NAALADL2: variants seen among roughly 807,000 people sequenced by gnomAD.
The protein encoded by NAALADL2 is inactive N-acetylated-alpha-linked acidic dipeptidase-like protein 2.
NAALADL2 carries 76 observed loss-of-function variants against 87.2 expected under a neutral mutation model. That is an observed-to-expected ratio of 0.87 (90% CI 0.72 to 1.05). NAALADL2 has a LOEUF of 1.05. Ranked by LOEUF, NAALADL2 falls within the 50% of genes least tolerant of loss-of-function variation. The probability of loss-of-function intolerance (pLI) is 0.00; values close to 1 mark genes in which losing one functional copy is unlikely to be tolerated. For missense variants in NAALADL2, 1,089 were observed against 945.8 expected (o/e 1.15, Z -1.99); for synonymous variants, 354 against 331.0 (o/e 1.07, Z -0.75).
At chr3:174,979,725 G>T (rs1744872494) in intron 1 of NAALADL2, among the ~76,000 whole-genome samples, 1 of 151,846 alleles carries the variant, frequency 6.6e-6, no homozygotes, top group Non-Finnish European at 1.5e-5. Context: ...GAAAAATATT[G>T]CAAATTAACT....
At chr3:175,692,330 T>C (rs1038027006) in intron 11 of NAALADL2, among the ~76,000 whole-genome samples, 2 of 152,176 alleles carry the variant, frequency 1.3e-5, no homozygotes, top group Non-Finnish European at 2.9e-5. Context: ...GGTAATTTAC[T>C]AGAATAAATA....
chr3:175,096,851 C>G lies in NAALADL2; in HGVS notation c.105C>G (p.Tyr35Ter), dbSNP rs762334415. The stretch of plus-strand genomic sequence containing the variant: ...AAAGAGCTCCAGGACACTCACAGTA[C>G]TTAGACAATGATGACCTTCAAGCCA... Reference protein sequence around the residue: ...ADQRAPGHSQYLDNDDLQATA... With the variant: ...ADQRAPGHSQ Residue 35 changes from tyrosine (Y) to a stop codon, truncating the protein, a stop_gained, in exon 2 of 14, where the codon TAC becomes TAG. Transcript: ENST00000454872. LOFTEE classifies it high-confidence loss of function. The G allele has an allele frequency of 1.9e-6, 3 of 1,611,328 alleles. No individual in the cohort carries two copies. The highest frequency in any genetic ancestry group is 2.2e-5 in the East Asian group (1 of 44,834).
At position 175,804,474 on chromosome 3, in the gene NAALADL2, T is replaced by G. The variant is rs1293393787; in HGVS notation, c.*1271T>G. The G allele has an allele frequency of 6.6e-6, 1 of 151,822 alleles. No homozygotes were observed. The highest frequency in any genetic ancestry group is 6.6e-5 in the Admixed American group (1 of 15,198). The allele number at this position is 151,822 out of a possible 1,614,324, so 9.4% of individuals were successfully genotyped here. A position where few individuals can be genotyped will look rare whatever the true frequency, so the allele number is the denominator to read the frequency against. Reference sequence around the variant, plus strand: ...ATTATTCCCCCAAACCCTAAAATTCTACCTATTAGGTGTCAGGTTAAAGTT... The same window carrying G: ...ATTATTCCCCCAAACCCTAAAATTCGACCTATTAGGTGTCAGGTTAAAGTT... On this transcript the variant is annotated 3_prime_UTR_variant, in exon 14 of 14. Coordinates refer to ENST00000454872, the MANE Select transcript of NAALADL2 (RefSeq NM_207015.3).
intron 13 of NAALADL2, among the ~76,000 whole-genome samples, chr3:175,768,340 G>A (rs1476586904): frequency 4.6e-5 from 7 of 152,028 alleles, no homozygotes; most frequent in Non-Finnish European, 1.0e-4. Flanking sequence ...CTCTCTCCGT[G>A]TACTCCCAGG....
chr3:174,443,147 A>G (rs777042393), intron 1 of NAALADL2, among the ~76,000 whole-genome samples: 5 of 152,216 alleles, frequency 3.3e-5, no homozygotes, highest in African/African-American at 4.8e-5. Context: ...GAGGAATGAC[A>G]TGATCTAACA....
At chr3:174,503,188 A>G (rs1719004647) in intron 1 of NAALADL2, among the ~76,000 whole-genome samples, 1 of 152,168 alleles carries the variant, frequency 6.6e-6, no homozygotes, top group South Asian at 2.1e-4. Context: ...TAAGGCATCA[A>G]GGGACATATA....
intron 5 of NAALADL2, among the ~76,000 whole-genome samples, chr3:175,378,229 G>A (rs1053790000): frequency 6.6e-6 from 1 of 152,000 alleles, no homozygotes; most frequent in Admixed American, 6.6e-5. Flanking sequence ...TTACCTGTGC[G>A]CTCACTCCCA....
chr3:175,342,097 T>G (rs1472910401), intron 5 of NAALADL2, among the ~76,000 whole-genome samples: 1 of 152,186 alleles, frequency 6.6e-6, no homozygotes, highest in Non-Finnish European at 1.5e-5. Context: ...TTAAAATTGC[T>G]AAGAATGAGT....
intron 2 of NAALADL2, among the ~76,000 whole-genome samples, chr3:175,129,405 A>G (rs889254639): frequency 6.6e-6 from 1 of 152,176 alleles, no homozygotes; most frequent in Non-Finnish European, 1.5e-5. Context: ...ATGGTGTACA[A>G]TAGATCCCTG....
At chr3:175,626,899 C>A (rs1727063597) in intron 10 of NAALADL2, among the ~76,000 whole-genome samples, 1 of 151,798 alleles carries the variant, frequency 6.6e-6, no homozygotes, top group Non-Finnish European at 1.5e-5. Context: ...TGTTATATCT[C>A]CAGTTCAGAA....
At chr3:175,435,959 C>G (rs1389764345) in intron 5 of NAALADL2, among the ~76,000 whole-genome samples, 1 of 147,204 alleles carries the variant, frequency 6.8e-6, no homozygotes, top group Non-Finnish European at 1.5e-5. Context: ...ACTAACTCGT[C>G]ATCTAGCATT....
rs557165792 is a variant in NAALADL2, at chr3:174,508,087, T to A, written c.-183-42482T>A. Reference sequence around the variant, plus strand: ...CCAACACTTAGTATGGCCAGTTTTTTAAATTTTAGCTATTGGATATCTAGT... The same window carrying A: ...CCAACACTTAGTATGGCCAGTTTTTAAAATTTTAGCTATTGGATATCTAGT... On this transcript the variant is annotated intron_variant, in intron 1 of 3. Transcript: ENST00000434257. 1.3e-4 allele frequency among the ~76,000 whole-genome samples: 19 copies of A among 150,584 alleles called. No individual in the cohort carries two copies. In the South Asian group the frequency reaches 2.3e-3, roughly 18 times the overall value.
At chr3:175,256,293 A>C in intron 3 of NAALADL2, 118 bp from the exon 4 acceptor site, 3 of 957,916 alleles carry the variant, frequency 3.1e-6, no homozygotes, top group Non-Finnish European at 4.5e-6. Flanking sequence ...AAGAGATAGA[A>C]TTAATTCTAT....
chr3:175,078,348 C>T (rs984127372), intron 1 of NAALADL2, among the ~76,000 whole-genome samples: 4 of 151,838 alleles, frequency 2.6e-5, no homozygotes, highest in African/African-American at 7.3e-5. Flanking sequence ...CTTTATCTTA[C>T]GTTTAGGAAA....
At chr3:174,445,877 A>C (rs1197778855) in intron 1 of NAALADL2, among the ~76,000 whole-genome samples, 1 of 152,098 alleles carries the variant, frequency 6.6e-6, no homozygotes, top group Admixed American at 6.5e-5. Flanking sequence ...TCTGACCTGC[A>C]TTGTGCCTAA....
intron 2 of NAALADL2, among the ~76,000 whole-genome samples, chr3:174,585,264 T>C (rs1220209234): frequency 6.6e-6 from 1 of 152,146 alleles, no homozygotes; most frequent in East Asian, 1.9e-4. Context: ...ACCACTGCAT[T>C]GGGCTGTATT....
At chr3:175,799,318 A>C (rs1433152493) in intron 13 of NAALADL2, among the ~76,000 whole-genome samples, 2 of 152,094 alleles carry the variant, frequency 1.3e-5, no homozygotes, top group African/African-American at 4.8e-5. Context: ...TTGTCTACAA[A>C]GCAGTATTTT....
At chr3:175,516,392 A>G (rs1044451753) in intron 9 of NAALADL2, among the ~76,000 whole-genome samples, 1 of 152,200 alleles carries the variant, frequency 6.6e-6, no homozygotes, top group African/African-American at 2.4e-5. Context: ...TTAGTGTTTA[A>G]GTGTATTGAT....
chr3:175,253,279 G>T (rs907794902), intron 3 of NAALADL2, among the ~76,000 whole-genome samples: 9 of 152,210 alleles, frequency 5.9e-5, no homozygotes, highest in African/African-American at 2.2e-4. Flanking sequence ...AAATGCTAGG[G>T]TCCTTAAGAA....
Sources: allele counts gnomAD v4.1 joint callset (sites outside exome capture counted in the v4.1 genomes callset), GRCh38; gene constraint gnomAD v4.1.1; transcripts MANE v1.5; gene names NCBI Gene and HGNC (gene_info 2026-07-23, HGNC 2026-07-21).